The following CCSER2 variants were observed in gnomAD, a reference collection of about 807,000 sequenced individuals.
CCSER2 encodes the protein serine-rich coiled-coil domain-containing protein 2.
A neutral mutation model predicts 92.3 loss-of-function variants in CCSER2; 46 were observed. The ratio of observed to expected loss-of-function variants is 0.50; its 90% CI spans 0.39 to 0.64. CCSER2 has a LOEUF of 0.64. CCSER2 is among the 30% of genes least tolerant of loss of function. CCSER2 has a pLI of 0.00. For synonymous variants in CCSER2, 433 were observed against 431.4 expected (o/e 1.00, Z -0.04); for missense variants, 1,244 against 1,238.9 (o/e 1.00, Z -0.06).
chr10:84,422,380 G>T (rs1166841176), intron 4 of CCSER2, among the ~76,000 whole-genome samples: 3 of 152,196 alleles, frequency 2.0e-5, no homozygotes, highest in South Asian at 4.1e-4. Context: ...TAAAACATTT[G>T]TAAGGTTGTC....
At position 84,364,035 on chromosome 10, in the gene CCSER2, A is replaced by G. The variant is rs1378015352; in HGVS notation, c.-39-6979A>G. Among the ~76,000 whole-genome samples the G allele has an allele frequency of 3.3e-5, 5 of 152,188 alleles. 1 individual carries two copies. Among genetic ancestry groups the G allele is most frequent in the African/African-American group, 7.2e-5 (3 of 41,464 alleles). On this transcript the variant is annotated intron_variant, in intron 1 of 9. Transcript: ENST00000372088. ...CACAATGGTAAGGAATTGTTTATCT[A>G]AAGTTATGTAAACATAGAAAAGTTA... is the stretch of plus-strand genomic sequence containing the variant.
intron 6 of CCSER2, among the ~76,000 whole-genome samples, chr10:84,440,528 C>T (rs1422810389): frequency 6.6e-6 from 1 of 152,166 alleles, no homozygotes; most frequent in Non-Finnish European, 1.5e-5. Context: ...TGGCCCCCTC[C>T]CCACCTCAGT....
At chr10:84,401,757 C>T (rs1173216018) in intron 3 of CCSER2, among the ~76,000 whole-genome samples, 1 of 152,122 alleles carries the variant, frequency 6.6e-6, no homozygotes, top group Non-Finnish European at 1.5e-5. Flanking sequence ...GTCCAATATC[C>T]CTCATTAACA....
chr10:84,473,341 G>A (rs1328154534), intron 8 of CCSER2, among the ~76,000 whole-genome samples: 1 of 152,136 alleles, frequency 6.6e-6, no homozygotes, highest in Non-Finnish European at 1.5e-5. Context: ...ACAAATTGCA[G>A]AGGAGCTGTG....
At chr10:84,507,342 C>G in intron 9 of CCSER2, 1 of 984,544 alleles carries the variant, frequency 1.0e-6, no homozygotes, top group Non-Finnish European at 1.2e-6. Context: ...TGGTACAGTA[C>G]AATTTCGGAT....
intron 6 of CCSER2, among the ~76,000 whole-genome samples, chr10:84,441,743 T>G (rs1209102306): frequency 1.5e-4 from 4 of 26,472 alleles, no homozygotes; most frequent in East Asian, 1.5e-3. Flanking sequence ...AATGTTTTTT[T>G]TTTTTTTTTT....
chr10:84,460,838 T>G (rs1272143704), intron 6 of CCSER2, among the ~76,000 whole-genome samples: 1 of 152,206 alleles, frequency 6.6e-6, no homozygotes, highest in Non-Finnish European at 1.5e-5. Flanking sequence ...CTTTCATTCC[T>G]GATAATGTTT....
At chr10:84,490,596 C>A (rs571705951) in intron 9 of CCSER2, among the ~76,000 whole-genome samples, 1 of 152,304 alleles carries the variant, frequency 6.6e-6, no homozygotes, top group African/African-American at 2.4e-5. Flanking sequence ...TCCATCAGGT[C>A]ATTTAAGGAC....
chr10:84,330,931 C>T (rs917090894), intron 1 of CCSER2, among the ~76,000 whole-genome samples: 1 of 152,130 alleles, frequency 6.6e-6, no homozygotes, highest in African/African-American at 2.4e-5. Context: ...AAAGGGATGG[C>T]GGGGATTACA....
At chr10:84,447,254 C>G (rs149204473) in intron 6 of CCSER2, among the ~76,000 whole-genome samples, 120 of 152,274 alleles carry the variant, frequency 7.9e-4, no homozygotes, top group African/African-American at 2.8e-3. Flanking sequence ...TGTGTGCAAA[C>G]TTGATAATAC....
intron 1 of CCSER2, among the ~76,000 whole-genome samples, chr10:84,338,698 A>G (rs1176418230): frequency 6.6e-6 from 1 of 152,202 alleles, no homozygotes; most frequent in Non-Finnish European, 1.5e-5. Context: ...TGCAGAACAA[A>G]TGAGCAACTT....
chr10:84,357,373 T>A (rs1252794939), intron 1 of CCSER2, among the ~76,000 whole-genome samples: 2 of 152,034 alleles, frequency 1.3e-5, no homozygotes, highest in African/African-American at 4.8e-5. Context: ...ATTCCCTAGC[T>A]CCCTTTTCCC....
rs778550470 is a variant in CCSER2 at position 84,371,023 on chromosome 10, A to T, written c.-30A>T. On this transcript the variant is annotated 5_prime_UTR_variant, in exon 2 of 10. Coordinates refer to ENST00000372088, the MANE Select transcript of CCSER2 (RefSeq NM_001284240.2). The stretch of plus-strand genomic sequence containing the variant: ...TTTTTTCTCTTCACAGATTCTTTCA[A>T]CTTTTAAGAACAAATGCACCTTATA... 5 of 1,421,914 alleles carry T rather than the reference A, an allele frequency of 3.5e-6. No homozygotes were observed. In the Admixed American group the frequency reaches 1.2e-4, roughly 34 times the overall value. The allele number at this position is 1,421,914 out of a possible 1,614,324, so 88.1% of individuals were successfully genotyped here. A position where few individuals can be genotyped will look rare whatever the true frequency, so the allele number is the denominator to read the frequency against.
intron 3 of CCSER2, among the ~76,000 whole-genome samples, chr10:84,400,625 C>T (rs149787678): frequency 1.3e-5 from 2 of 152,220 alleles, no homozygotes; most frequent in African/African-American, 4.8e-5. Flanking sequence ...TTAAAAGTGC[C>T]ATCTGAGACC....
chr10:84,513,955 T>C lies in CCSER2; in HGVS notation c.2832T>C (p.Thr944=), dbSNP rs753301031. 1.3e-6 allele frequency: 2 copies of C among 1,536,666 alleles called. No individual in the cohort carries two copies. Among genetic ancestry groups the C allele is most frequent in the South Asian group, 2.4e-5 (2 of 84,064 alleles). ...PPVSESSPSR[T]PTCKKSPIIT... ...TTTCTGAATCATCTCCAAGTAGGAC[T>C]CCCACTTGTAAAAAGTCACCAATAA... The change falls in exon 10 of 10, where the codon ACT becomes ACC. Residue 944 remains threonine (T), a synonymous_variant. Transcript: ENST00000372088.
chr10:84,365,028 C>T (rs1180809895), intron 1 of CCSER2, among the ~76,000 whole-genome samples: 1 of 151,848 alleles, frequency 6.6e-6, no homozygotes, highest in Admixed American at 6.6e-5. Flanking sequence ...AGGCGTGAGT[C>T]ACCACGCCCG....
chr10:84,394,935 C>CA (rs964937973), intron 3 of CCSER2, among the ~76,000 whole-genome samples: 2 of 151,930 alleles, frequency 1.3e-5, no homozygotes, highest in African/African-American at 4.8e-5. Context: ...TGTTAATAAA[C>CA]AGAGTAGGCG....
chr10:84,510,253 CCTT>C (rs1849282647), intron 9 of CCSER2, among the ~76,000 whole-genome samples: 1 of 152,142 alleles, frequency 6.6e-6, no homozygotes, highest in African/African-American at 2.4e-5. Flanking sequence ...AATATTCTTC[CCTT>C]CTTGTTTATT....
At chr10:84,415,827 A>T (rs969298053) in intron 3 of CCSER2, among the ~76,000 whole-genome samples, 2 of 151,886 alleles carry the variant, frequency 1.3e-5, no homozygotes, top group African/African-American at 4.8e-5. Context: ...TCTCAGGCAG[A>T]CTCCTTGTTA....
Sources: allele counts gnomAD v4.1 joint callset (sites outside exome capture counted in the v4.1 genomes callset), GRCh38; gene constraint gnomAD v4.1.1; transcripts MANE v1.5; gene names NCBI Gene and HGNC (gene_info 2026-07-23, HGNC 2026-07-21).